The following COPG2 variants were observed in gnomAD, a reference collection of about 807,000 sequenced individuals.
COPG2 encodes coat protein complex I subunit gamma 2.
COPG2 carries 37 observed loss-of-function variants against 46.3 expected under a neutral mutation model. The observed-to-expected ratio is 0.80, with a 90% CI of 0.61 to 1.05. The LOEUF (loss-of-function observed/expected upper bound fraction) is 1.05, where lower values mean the gene tolerates loss of function less well. Ranked by LOEUF, COPG2 falls within the 50% of genes least tolerant of loss-of-function variation. The probability of loss-of-function intolerance (pLI) is 0.00; values close to 1 mark genes in which losing one functional copy is unlikely to be tolerated. For synonymous variants in COPG2, 159 were observed against 129.7 expected (o/e 1.23, Z -1.53); for missense variants, 427 against 387.8 (o/e 1.10, Z -0.85).
At chr7:130,664,588 C>T (rs934828285) in intron 3 of COPG2, among the ~76,000 whole-genome samples, 18 of 152,204 alleles carry the variant, frequency 1.2e-4, no homozygotes, top group African/African-American at 3.4e-4. Context: ...AATTTATGTT[C>T]CCAAACCTGT....
chr7:130,544,098 T>C (rs1793390298), intron 20 of COPG2, among the ~76,000 whole-genome samples: 1 of 152,182 alleles, frequency 6.6e-6, no homozygotes. Flanking sequence ...CCAATACTGC[T>C]TTTTTTAGTA....
At chr7:130,568,595 G>A (rs1372197944) in intron 9 of COPG2, among the ~76,000 whole-genome samples, 7 of 151,758 alleles carry the variant, frequency 4.6e-5, no homozygotes, top group African/African-American at 7.3e-5. Context: ...TGAGATAGAC[G>A]GCAACGCAAT....
chr7:130,638,701 C>T (rs1554456753), intron 5 of COPG2, among the ~76,000 whole-genome samples: 3 of 152,110 alleles, frequency 2.0e-5, no homozygotes, highest in African/African-American at 2.4e-5. Context: ...GACCACTTGG[C>T]TCCCTGGCTT....
intron 9 of COPG2, among the ~76,000 whole-genome samples, chr7:130,571,834 C>CCTCT (rs1192254653): frequency 2.2e-3 from 325 of 150,574 alleles, no homozygotes; most frequent in African/African-American, 7.4e-3. Flanking sequence ...GAAAATGCGC[C>CCTCT]CTCTCTCTCT....
intron 9 of COPG2, among the ~76,000 whole-genome samples, chr7:130,608,820 T>G (rs1000597457): frequency 2.0e-5 from 3 of 152,162 alleles, no homozygotes; most frequent in African/African-American, 7.2e-5. Flanking sequence ...GTGTGGTTTT[T>G]ATTTATCCTA....
chr7:130,649,720 A>G (rs1217512331), intron 5 of COPG2, among the ~76,000 whole-genome samples: 3 of 152,174 alleles, frequency 2.0e-5, no homozygotes, highest in African/African-American at 7.2e-5. Flanking sequence ...ATTAACATCC[A>G]TATTTCTATT....
chr7:130,600,399 T>C (rs1794613396), intron 9 of COPG2, among the ~76,000 whole-genome samples: 1 of 152,198 alleles, frequency 6.6e-6, no homozygotes, highest in Non-Finnish European at 1.5e-5. Flanking sequence ...TAGCTGGGAC[T>C]ACAGGAACGT....
intron 5 of COPG2, among the ~76,000 whole-genome samples, chr7:130,623,320 T>C (rs1168480069): frequency 6.6e-6 from 1 of 152,200 alleles, no homozygotes; most frequent in Non-Finnish European, 1.5e-5. Context: ...GGTCTAATTC[T>C]GTACTTTCCA....
At chr7:130,535,304 G>T (rs1003690285) in intron 20 of COPG2, among the ~76,000 whole-genome samples, 1 of 152,038 alleles carries the variant, frequency 6.6e-6, no homozygotes, top group African/African-American at 2.4e-5. Flanking sequence ...AGGCAGCGCC[G>T]ACAGGGGAGT....
intron 5 of COPG2, among the ~76,000 whole-genome samples, chr7:130,624,422 C>T (rs1422794303): frequency 6.6e-6 from 1 of 151,718 alleles, no homozygotes; most frequent in African/African-American, 2.4e-5. Context: ...ATTTTTTTTA[C>T]TTTTTTATTT....
intron 9 of COPG2, among the ~76,000 whole-genome samples, chr7:130,578,891 TG>T (rs1435464346): frequency 2.7e-5 from 4 of 149,222 alleles, no homozygotes; most frequent in African/African-American, 5.0e-5. Context: ...CTGAAAGTGA[TG>T]GGGAGAATGG....
chr7:130,661,446 C>T (rs539016959), intron 4 of COPG2, among the ~76,000 whole-genome samples: 32 of 152,338 alleles, frequency 2.1e-4, no homozygotes, highest in South Asian at 4.1e-4. Context: ...TAGTCTAATT[C>T]CTCTAATAAA....
intron 9 of COPG2, among the ~76,000 whole-genome samples, chr7:130,600,260 T>A (rs1236032693): frequency 1.3e-5 from 2 of 152,138 alleles, no homozygotes; most frequent in African/African-American, 4.8e-5. Context: ...ATTTTGTCAT[T>A]TTTATTTATT....
chr7:130,620,109 T>C (rs1200363876), intron 5 of COPG2, among the ~76,000 whole-genome samples: 1 of 151,972 alleles, frequency 6.6e-6, no homozygotes, highest in Non-Finnish European at 1.5e-5. Flanking sequence ...AAAAGTTCTC[T>C]TTTTTAATGT....
chr7:130,508,692 G>A (rs573563064), intron 20 of COPG2, 33 bp from the exon 21 acceptor site: 1 of 735,508 alleles, frequency 1.4e-6, no homozygotes, highest in African/African-American at 1.7e-5. Flanking sequence ...CTGCATCAGT[G>A]GGGAGTGCAA....
At chr7:130,571,850 T>C (rs1793908490) in intron 9 of COPG2, among the ~76,000 whole-genome samples, 1 of 147,220 alleles carries the variant, frequency 6.8e-6, no homozygotes, top group South Asian at 2.2e-4. Flanking sequence ...TCTCTCTATA[T>C]ATATATATAT....
chr7:130,667,377 C>T (rs1260465467), intron 2 of COPG2, 105 bp downstream of exon 2: 13 of 869,072 alleles, frequency 1.5e-5, no homozygotes, highest in Non-Finnish European at 2.2e-5. Context: ...AACTCTGTTA[C>T]GTTTCTTGTT....
At chr7:130,663,111 G>A (rs1375353112) in intron 3 of COPG2, 73 bp from the exon 4 acceptor site, 1 of 741,630 alleles carries the variant, frequency 1.3e-6, no homozygotes, top group Non-Finnish European at 2.1e-6. Context: ...TACACACACA[G>A]GATTTTCTAT....
chr7:130,513,359 GTATATATATATATA>G (rs1159332493), intron 20 of COPG2, among the ~76,000 whole-genome samples: 8 of 36,664 alleles, frequency 2.2e-4, no homozygotes, highest in African/African-American at 5.1e-4. Context: ...GTGTGTGTGT[GTATATATATATATA>G]TATGTGTGTG....
Sources: gnomAD v4.1 joint callset for allele counts (sites outside exome capture counted in the v4.1 genomes callset) on GRCh38, gnomAD v4.1.1 for gene constraint, MANE v1.5 for transcripts, NCBI Gene and HGNC (gene_info 2026-07-23, HGNC 2026-07-21) for gene names.